The following NAV2 variants were observed in gnomAD, a reference collection of about 807,000 sequenced individuals.
NAV2 encodes the protein neuron navigator 2.
A neutral mutation model predicts 223.2 loss-of-function variants in NAV2; 54 were observed. That is an observed-to-expected ratio of 0.24 (90% confidence interval 0.19 to 0.30). The LOEUF is 0.30. NAV2 is among the 10% of genes least tolerant of loss of function. The pLI is 1.00. For missense variants in NAV2, 2,806 were observed against 3,147.5 expected (o/e 0.89, Z 2.60); for synonymous variants, 1,279 against 1,239.3 (o/e 1.03, Z -0.67).
chr11:19,459,713 G>A (rs1801405596), intron 1 of NAV2, among the ~76,000 whole-genome samples: 1 of 152,124 alleles, frequency 6.6e-6, no homozygotes, highest in Admixed American at 6.6e-5. Flanking sequence ...GGATATAGGG[G>A]GTGTCTACTT....
intron 1 of NAV2, among the ~76,000 whole-genome samples, chr11:19,632,547 C>A (rs1392699503): frequency 6.6e-6 from 1 of 152,160 alleles, no homozygotes; most frequent in Non-Finnish European, 1.5e-5. Flanking sequence ...AACTGGCCAA[C>A]CCTTCCTGCC....
At position 20,041,513 on chromosome 11, in the gene NAV2, A is replaced by G. The variant is rs554839487; in HGVS notation, c.2908-2468A>G. Among the ~76,000 whole-genome samples the G allele has an allele frequency of 2.0e-5, 3 of 152,326 alleles. No individual in the cohort carries two copies. In the South Asian group the frequency reaches 6.2e-4, roughly 32 times the overall value. Reference sequence around the variant, plus strand: ...ACCATTACAGTTTGATTGGGGGGAAATAAGTATAGGAACATTAAAAGAATA... The same window carrying G: ...ACCATTACAGTTTGATTGGGGGGAAGTAAGTATAGGAACATTAAAAGAATA... On this transcript the variant is annotated intron_variant, in intron 12 of 37. Transcript: ENST00000349880.
At chr11:19,660,798 C>T (rs2048255757) in intron 1 of NAV2, among the ~76,000 whole-genome samples, 1 of 152,014 alleles carries the variant, frequency 6.6e-6, no homozygotes, top group Non-Finnish European at 1.5e-5. Flanking sequence ...AGCATGCCCC[C>T]AGTCGAGAAT....
intron 36 of NAV2, among the ~76,000 whole-genome samples, chr11:20,108,040 A>G (rs2062295099): frequency 6.6e-6 from 1 of 152,204 alleles, no homozygotes; most frequent in Non-Finnish European, 1.5e-5. Flanking sequence ...TCTGCCACAA[A>G]GAGTTTGTTG....
chr11:19,469,255 G>A (rs566794196), intron 1 of NAV2, among the ~76,000 whole-genome samples: 1 of 152,322 alleles, frequency 6.6e-6, no homozygotes, highest in African/African-American at 2.4e-5. Flanking sequence ...TGAAAGTCAT[G>A]AATGAGCTGA....
intron 1 of NAV2, among the ~76,000 whole-genome samples, chr11:19,774,058 C>A (rs1454988145): frequency 5.3e-5 from 8 of 152,228 alleles, no homozygotes; most frequent in Non-Finnish European, 2.9e-5. Flanking sequence ...CCCCTCTACA[C>A]CCTTGCACAT....
chr11:20,101,287 G>A (rs1394365980), intron 32 of NAV2, 115 bp downstream of exon 32: 1 of 833,640 alleles, frequency 1.2e-6, no homozygotes, highest in Non-Finnish European at 1.9e-6. Context: ...GGTGGTTTTA[G>A]AAAGCCAAGT....
chr11:19,930,634 A>G (rs1054861986), intron 6 of NAV2, among the ~76,000 whole-genome samples: 6 of 152,218 alleles, frequency 3.9e-5, no homozygotes, highest in African/African-American at 1.4e-4. Context: ...TTTTTCATCG[A>G]TGGATCCCAA....
At chr11:19,964,538 C>G (rs1390140057) in intron 10 of NAV2, among the ~76,000 whole-genome samples, 1 of 148,904 alleles carries the variant, frequency 6.7e-6, no homozygotes. Flanking sequence ...CTCTGTTGTG[C>G]AGGCTGGAGT....
intron 1 of NAV2, among the ~76,000 whole-genome samples, chr11:19,514,837 G>A (rs2043393497): frequency 1.3e-5 from 2 of 152,230 alleles, no homozygotes. Flanking sequence ...AGCCCAGGCA[G>A]GCCCAGGCTG....
intron 1 of NAV2, among the ~76,000 whole-genome samples, chr11:19,519,356 G>A (rs983345164): frequency 2.6e-5 from 4 of 152,122 alleles, no homozygotes; most frequent in African/African-American, 9.7e-5. Flanking sequence ...TGTGTGCTAG[G>A]GGCTGTCCTA....
At chr11:19,484,716 C>T (rs1372636380) in intron 1 of NAV2, among the ~76,000 whole-genome samples, 2 of 152,184 alleles carry the variant, frequency 1.3e-5, no homozygotes, top group East Asian at 1.9e-4. Context: ...GCTCTCCACC[C>T]GACATCCTCT....
intron 7 of NAV2, among the ~76,000 whole-genome samples, chr11:19,938,497 G>T (rs1234480980): frequency 6.6e-6 from 1 of 152,194 alleles, no homozygotes; most frequent in Non-Finnish European, 1.5e-5. Context: ...GTTTTTACTG[G>T]ACGAAGGCAG....
intron 1 of NAV2, among the ~76,000 whole-genome samples, chr11:19,407,790 C>A (rs1590145089): frequency 6.6e-6 from 1 of 151,094 alleles, no homozygotes; most frequent in East Asian, 2.0e-4. Context: ...CGGGCTTTGT[C>A]CAATCAGCAC....
At chr11:19,895,633 A>G (rs2041913390) in intron 6 of NAV2, among the ~76,000 whole-genome samples, 1 of 152,110 alleles carries the variant, frequency 6.6e-6, no homozygotes, top group Non-Finnish European at 1.5e-5. Context: ...AACTCCTGTG[A>G]GGATTCACAA....
intron 6 of NAV2, among the ~76,000 whole-genome samples, chr11:19,926,971 AG>A (rs2044812364): frequency 6.6e-6 from 1 of 152,204 alleles, no homozygotes; most frequent in Admixed American, 6.5e-5. Flanking sequence ...TGAAGGAGAG[AG>A]GAAGAAATGC....
chr11:19,842,799 A>C (rs1410700693), intron 2 of NAV2, 72 bp from the exon 3 acceptor site: 2 of 1,479,504 alleles, frequency 1.4e-6, no homozygotes, highest in Non-Finnish European at 1.9e-6. Context: ...GGTTGCCTCA[A>C]GTGTCCTGAA....
intron 1 of NAV2, among the ~76,000 whole-genome samples, chr11:19,643,627 G>A (rs948457140): frequency 3.9e-5 from 6 of 152,072 alleles, no homozygotes; most frequent in African/African-American, 1.2e-4. Context: ...ATAAACATAC[G>A]TGTGCATGTG....
intron 1 of NAV2, among the ~76,000 whole-genome samples, chr11:19,483,061 A>G (rs1460058229): frequency 6.6e-6 from 1 of 152,160 alleles, no homozygotes; most frequent in Non-Finnish European, 1.5e-5. Flanking sequence ...CAAGCTTGCC[A>G]CTTGCCAGAC....
Sources: gnomAD v4.1 joint callset for allele counts (sites outside exome capture counted in the v4.1 genomes callset) on GRCh38, gnomAD v4.1.1 for gene constraint, MANE v1.5 for transcripts, NCBI Gene and HGNC (gene_info 2026-07-23, HGNC 2026-07-21) for gene names.